Variants in TAF12 observed in about 807,000 individuals in gnomAD.
TAF12 encodes the protein TATA-box binding protein associated factor 12.
Under a neutral mutation model 20.8 loss-of-function variants are expected in TAF12, and 3 were observed. The ratio of observed to expected loss-of-function variants is 0.14; its 90% CI spans 0.07 to 0.37. The LOEUF (loss-of-function observed/expected upper bound fraction) is 0.37, where lower values mean the gene tolerates loss of function less well. Among genes scored for constraint, TAF12 ranks in the 10% least tolerant of loss-of-function variants. The pLI is 1.00. For missense variants in TAF12, 131 were observed against 197.9 expected (o/e 0.66, Z 2.03); for synonymous variants, 69 against 70.2 (o/e 0.98, Z 0.09).
chr1:28,610,992 G>T (rs575298981), intron 4 of TAF12, among the ~76,000 whole-genome samples: 2 of 148,622 alleles, frequency 1.3e-5, no homozygotes, highest in South Asian at 4.3e-4. Context: ...AACACAGGTG[G>T]AGTCTGTGTT....
upstream of TAF12, among the ~76,000 whole-genome samples, chr1:28,645,686 C>G (rs1668167829): frequency 6.9e-6 from 1 of 144,094 alleles, no homozygotes; most frequent in Non-Finnish European, 1.5e-5. Context: ...ACAGATAAGG[C>G]CAGGCCAGGC....
intron 2 of TAF12, among the ~76,000 whole-genome samples, chr1:28,619,647 GAAA>G (rs56098932): frequency 5.0e-5 from 3 of 59,466 alleles, no homozygotes; most frequent in African/African-American, 1.4e-4. Context: ...AAATTCCACT[GAAA>G]AAAAAAAAAA....
chr1:28,611,272 G>A (rs1426398673), intron 4 of TAF12, among the ~76,000 whole-genome samples: 2 of 149,572 alleles, frequency 1.3e-5, no homozygotes, highest in Non-Finnish European at 3.0e-5. Flanking sequence ...GGAGGGTTGG[G>A]AGGGACGGAG....
chr1:28,643,314 TC>T, upstream of TAF12: 1 of 160,632 alleles, frequency 6.2e-6, no homozygotes, highest in Non-Finnish European at 1.3e-5. Context: ...CACTAGCTTT[TC>T]TTCCCGACGC....
In TAF12 at chr1:28,627,282, G is replaced by A. The variant is rs577868437; in HGVS notation, c.-84-5117C>T. Among the ~76,000 whole-genome samples the A allele has an allele frequency of 5.3e-5, 8 of 151,904 alleles. No individual in the cohort carries two copies. In the East Asian group the frequency reaches 1.4e-3, roughly 26 times the overall value. ...ACACGCCTGTAATCCGAGCTACTCA[G>A]GAGGCTGACACACAAGAATCACTTG... On this transcript the variant is annotated intron_variant, in intron 1 of 5. Transcript: ENST00000373824.
At chr1:28,622,220 A>C in intron 1 of TAF12, 55 bp from the exon 2 acceptor site, 1 of 1,408,318 alleles carries the variant, frequency 7.1e-7, no homozygotes, top group Non-Finnish European at 9.2e-7. Context: ...TAAAGGATGA[A>C]TCTTGAGAGT....
intron 3 of TAF12, among the ~76,000 whole-genome samples, chr1:28,615,510 C>G (rs71642239): frequency 6.6e-6 from 1 of 151,702 alleles, no homozygotes; most frequent in Non-Finnish European, 1.5e-5. Context: ...GAAACCCCGT[C>G]TCTACTAAAA....
chr1:28,643,113 C>A (rs1437395988), upstream of TAF12: 13 of 985,822 alleles, frequency 1.3e-5, no homozygotes, highest in South Asian at 5.6e-4. Context: ...CCGCCTCCAA[C>A]CCGGAAACGC....
intron 1 of TAF12, among the ~76,000 whole-genome samples, chr1:28,622,611 G>A (rs567381205): frequency 8.5e-5 from 13 of 152,112 alleles, no homozygotes; most frequent in Admixed American, 3.9e-4. Flanking sequence ...AACTAGGGCC[G>A]CGTGCAGTAG....
intron 4 of TAF12, among the ~76,000 whole-genome samples, chr1:28,612,977 G>A (rs1207115533): frequency 1.3e-5 from 2 of 152,160 alleles, no homozygotes; most frequent in Admixed American, 1.3e-4. Context: ...CTTTACAAAT[G>A]AGGAAACAGA....
At chr1:28,620,100 C>A (rs1667164166) in intron 2 of TAF12, among the ~76,000 whole-genome samples, 1 of 151,654 alleles carries the variant, frequency 6.6e-6, no homozygotes, top group Non-Finnish European at 1.5e-5. Flanking sequence ...CTGTGATGAA[C>A]ACATATAACT....
upstream of TAF12, among the ~76,000 whole-genome samples, chr1:28,647,670 G>A (rs561701923): frequency 3.9e-5 from 6 of 152,210 alleles, no homozygotes; most frequent in South Asian, 4.1e-4. Context: ...TCAGGAGATC[G>A]AGACCATCCT....
At chr1:28,632,490 TG>T (rs1453373393) in intron 1 of TAF12, among the ~76,000 whole-genome samples, 2 of 152,090 alleles carry the variant, frequency 1.3e-5, no homozygotes, top group Non-Finnish European at 2.9e-5. Context: ...CACTCCAGCC[TG>T]GGCAGCAGAG....
At position 28,643,035 on chromosome 1, in the gene TAF12, A is replaced by C. The variant is rs1176151469; in HGVS notation, c.-128T>G. ...CCCCATGATATGCAGAGACTGCCCC[A>C]GTGAAGCGTTCGTCTCAGCAGCCGG... On this transcript the variant is annotated 5_prime_UTR_variant, in exon 1 of 6. Coordinates refer to ENST00000373824, the MANE Select transcript of TAF12 (RefSeq NM_005644.4). The C allele has an allele frequency of 3.0e-6, 3 of 985,764 alleles. No individual in the cohort carries two copies. The highest frequency in any genetic ancestry group is 3.6e-6 in the Non-Finnish European group (3 of 829,960). The allele number at this position is 985,764 out of a possible 1,614,324, so 61.1% of individuals were successfully genotyped here. A position where few individuals can be genotyped will look rare whatever the true frequency, so the allele number is the denominator to read the frequency against.
chr1:28,627,674 A>AG (rs1667461183), intron 1 of TAF12, among the ~76,000 whole-genome samples: 1 of 150,726 alleles, frequency 6.6e-6, no homozygotes, highest in East Asian at 1.9e-4. Context: ...TCAAAAAAAA[A>AG]AAAAAAAAAA....
Position 28,626,864 on chromosome 1 carries a change from C to T in TAF12, c.-84-4699G>A, listed in dbSNP as rs182167991. 2.8e-3 allele frequency among the ~76,000 whole-genome samples: 428 copies of T among 151,620 alleles called. 1 individual carries two copies. Among genetic ancestry groups the T allele is most frequent in the African/African-American group, 9.9e-3 (411 of 41,352 alleles). On this transcript the variant is annotated intron_variant, in intron 1 of 5. Transcript: ENST00000373824. ...GGCGGAGGTTGCAGTGAGCCAAGAT[C>T]GCACCATTGCAACTCTAGCTTGGGC...
intron 1 of TAF12, among the ~76,000 whole-genome samples, chr1:28,640,769 A>G (rs1481917785): frequency 2.0e-5 from 3 of 152,218 alleles, no homozygotes; most frequent in African/African-American, 7.2e-5. Context: ...AAATAAATAA[A>G]TAACACTGAG....
chr1:28,622,287 A>G (rs1382065552), intron 1 of TAF12, 122 bp from the exon 2 acceptor site: 1 of 932,376 alleles, frequency 1.1e-6, no homozygotes, highest in Non-Finnish European at 1.4e-6. Flanking sequence ...TGGGAGGCCC[A>G]GGTGGTAGCA....
At chr1:28,611,985 T>A (rs1666875194) in intron 4 of TAF12, among the ~76,000 whole-genome samples, 1 of 152,122 alleles carries the variant, frequency 6.6e-6, no homozygotes, top group South Asian at 2.1e-4. Context: ...AACCAAAATA[T>A]CTGTTCTTTT....
Sources: allele counts gnomAD v4.1 joint callset (sites outside exome capture counted in the v4.1 genomes callset), GRCh38; gene constraint gnomAD v4.1.1; transcripts MANE v1.5; gene names NCBI Gene and HGNC (gene_info 2026-07-23, HGNC 2026-07-21).